TPTE: variants seen among roughly 807,000 people sequenced by gnomAD.
TPTE encodes transmembrane phosphatase with tensin homology.
Under a neutral mutation model 84.1 loss-of-function variants are expected in TPTE, and 59 were observed. The observed-to-expected ratio is 0.70, with a 90% CI of 0.57 to 0.87. TPTE has a LOEUF of 0.87. Ranked by LOEUF, TPTE falls within the 40% of genes least tolerant of loss-of-function variation. The pLI, the probability that TPTE is intolerant of heterozygous loss-of-function variation, is 0.00. For missense variants in TPTE, 382 were observed against 659.6 expected, an observed-to-expected ratio of 0.58 and a Z score of 4.61; for synonymous variants, 130 against 223.5, an observed-to-expected ratio of 0.58 and a Z score of 3.73.
chr21:10,545,953 T>C (rs1600878181), intron 7 of TPTE, among the ~76,000 whole-genome samples: 1 of 152,082 alleles, frequency 6.6e-6, no homozygotes, highest in Non-Finnish European at 1.5e-5. Flanking sequence ...TATATATCCT[T>C]TAGCATATAT....
intron 8 of TPTE, among the ~76,000 whole-genome samples, chr21:10,558,963 G>A (rs1180417167): frequency 2.0e-5 from 3 of 152,306 alleles, no homozygotes; most frequent in Admixed American, 6.5e-5. Context: ...TTACTAAAAT[G>A]TCTTACCTCT....
At chr21:10,541,080 T>G (rs1395235033) in intron 4 of TPTE, 32 bp from the exon 5 acceptor site, 1 of 1,612,296 alleles carries the variant, frequency 6.2e-7, no homozygotes, top group South Asian at 1.1e-5. Flanking sequence ...AATTACGCAT[T>G]GGGTCTGACT....
intron 5 of TPTE, among the ~76,000 whole-genome samples, chr21:10,542,179 G>A (rs567564024): frequency 1.1e-4 from 17 of 152,416 alleles, no homozygotes; most frequent in African/African-American, 3.8e-4. Context: ...AAATCGGGAA[G>A]CATTACTATT....
intron 9 of TPTE, among the ~76,000 whole-genome samples, chr21:10,560,254 AAAC>A (rs2074770586): frequency 6.6e-6 from 1 of 152,310 alleles, no homozygotes; most frequent in Non-Finnish European, 1.5e-5. Flanking sequence ...TTAATTCTGG[AAAC>A]AATTTACTTA....
At chr21:10,594,147 T>C (rs2075537266) in intron 19 of TPTE, among the ~76,000 whole-genome samples, 2 of 152,310 alleles carry the variant, frequency 1.3e-5, no homozygotes, top group African/African-American at 2.4e-5. Flanking sequence ...TTTTCCAACC[T>C]TCTCTTCCGC....
At chr21:10,525,260 A>G (rs1451908541) in intron 2 of TPTE, among the ~76,000 whole-genome samples, 96 of 152,398 alleles carry the variant, frequency 6.3e-4, no homozygotes, top group Non-Finnish European at 1.1e-3. Flanking sequence ...ATGACATTTT[A>G]AGATCTGTGA....
intron 10 of TPTE, among the ~76,000 whole-genome samples, chr21:10,567,347 T>C (rs1304547583): frequency 6.6e-6 from 1 of 152,302 alleles, no homozygotes; most frequent in African/African-American, 2.4e-5. Context: ...GTAACATGAA[T>C]GATAAATGCT....
At chr21:10,545,292 G>C (rs2074445155) in intron 7 of TPTE, among the ~76,000 whole-genome samples, 1 of 152,250 alleles carries the variant, frequency 6.6e-6, no homozygotes, top group African/African-American at 2.4e-5. Context: ...TGATTCATTA[G>C]TTTGTTTGTT....
chr21:10,554,536 T>C (rs1170168497), intron 8 of TPTE, among the ~76,000 whole-genome samples: 1 of 152,312 alleles, frequency 6.6e-6, no homozygotes, highest in Non-Finnish European at 1.5e-5. Context: ...ATTTATCCTT[T>C]TCTGTCTTTG....
intron 3 of TPTE, among the ~76,000 whole-genome samples, 167 bp downstream of exon 3, chr21:10,527,579 C>G (rs1030480898): frequency 6.6e-6 from 1 of 152,310 alleles, no homozygotes; most frequent in Non-Finnish European, 1.5e-5. Flanking sequence ...TTGTTTGTGA[C>G]TCTAAGTAAT....
intron 17 of TPTE, among the ~76,000 whole-genome samples, chr21:10,586,321 A>G (rs2075365498): frequency 6.6e-6 from 1 of 152,216 alleles, no homozygotes; most frequent in Non-Finnish European, 1.5e-5. Flanking sequence ...TTGACCCATG[A>G]GTTATGTAGA....
intron 17 of TPTE, among the ~76,000 whole-genome samples, chr21:10,585,400 GC>G (rs1568751150): frequency 6.6e-6 from 1 of 152,304 alleles, no homozygotes; most frequent in Non-Finnish European, 1.5e-5. Context: ...GTGGTTAATT[GC>G]ATTGATTAAG....
intron 4 of TPTE, among the ~76,000 whole-genome samples, chr21:10,539,224 C>T (rs1421838359): frequency 6.6e-6 from 1 of 152,308 alleles, no homozygotes; most frequent in Non-Finnish European, 1.5e-5. Context: ...TAGCAGCTGA[C>T]AAGGAGCAGT....
chr21:10,565,907 A>G (rs568665656), intron 10 of TPTE, among the ~76,000 whole-genome samples: 1 of 152,428 alleles, frequency 6.6e-6, no homozygotes, highest in Admixed American at 6.5e-5. Flanking sequence ...CAACTATACT[A>G]CAAGAGAACA....
chr21:10,541,787 G>A (rs1000662754), intron 5 of TPTE, among the ~76,000 whole-genome samples: 9 of 152,424 alleles, frequency 5.9e-5, no homozygotes, highest in African/African-American at 1.9e-4. Flanking sequence ...AGGGAAGAGA[G>A]AATCCTGTTT....
intron 3 of TPTE, among the ~76,000 whole-genome samples, chr21:10,536,053 A>C (rs1377710151): frequency 1.3e-5 from 2 of 152,308 alleles, no homozygotes; most frequent in Non-Finnish European, 2.9e-5. Flanking sequence ...CAAGACAGCT[A>C]GATCACTTGA....
intron 7 of TPTE, among the ~76,000 whole-genome samples, chr21:10,544,427 C>T (rs1310938606): frequency 1.3e-5 from 2 of 152,310 alleles, no homozygotes; most frequent in Admixed American, 6.5e-5. Flanking sequence ...CGCTGTTGCC[C>T]AAGCTGGCGT....
chr21:10,533,756 G>C (rs1429653560), intron 3 of TPTE, among the ~76,000 whole-genome samples: 2 of 152,430 alleles, frequency 1.3e-5, no homozygotes, highest in East Asian at 3.8e-4. Flanking sequence ...CAGGAACCAT[G>C]AAACACTGAC....
chr21:10,599,331 C>T (rs1371672310), intron 21 of TPTE, among the ~76,000 whole-genome samples: 2 of 152,312 alleles, frequency 1.3e-5, no homozygotes. Flanking sequence ...CCGCAGTGGT[C>T]TCCTTACCCT....
Sources: gnomAD v4.1 joint callset for allele counts (sites outside exome capture counted in the v4.1 genomes callset) on GRCh38, gnomAD v4.1.1 for gene constraint, MANE v1.5 for transcripts, NCBI Gene and HGNC (gene_info 2026-07-23, HGNC 2026-07-21) for gene names.